Variants in LGR6 observed in about 807,000 individuals in gnomAD.
LGR6 encodes leucine rich repeat containing G protein-coupled receptor 6.
A neutral mutation model predicts 69.4 loss-of-function variants in LGR6; 45 were observed. The ratio of observed to expected loss-of-function variants is 0.65; its 90% CI spans 0.51 to 0.83. The LOEUF (loss-of-function observed/expected upper bound fraction) is 0.83, where lower values mean the gene tolerates loss of function less well. Among genes scored for constraint, LGR6 ranks in the 40% least tolerant of loss-of-function variants. LGR6 has a pLI of 0.00. For missense variants in LGR6, 1,108 were observed against 1,246.7 expected (o/e 0.89, Z 1.68); for synonymous variants, 538 against 555.0 (o/e 0.97, Z 0.43).
At position 202,318,616 on chromosome 1, in the gene LGR6, G is replaced by A; in HGVS notation, c.2313G>A (p.Met771Ile). Residue 771 changes from methionine (M) to isoleucine (I), a missense_variant, in exon 18 of 18, where the codon ATG becomes ATA. Transcript: ENST00000367278. Reference protein sequence around the residue: ...GDFEAVWDCAMVRHVAWLIFA... With the variant: ...GDFEAVWDCAIVRHVAWLIFA... ...TTGAGGCCGTGTGGGACTGCGCCATGGTGAGGCACGTGGCCTGGCTCATCT... is the reference window on the plus strand; with the variant it reads ...TTGAGGCCGTGTGGGACTGCGCCATAGTGAGGCACGTGGCCTGGCTCATCT... 6.2e-7 allele frequency: 1 copy of A among 1,613,950 alleles called. No homozygotes were observed. The highest frequency in any genetic ancestry group is 8.5e-7 in the Non-Finnish European group (1 of 1,180,012).
intron 4 of LGR6, among the ~76,000 whole-genome samples, chr1:202,265,063 C>T (rs1664536206): frequency 6.6e-6 from 1 of 152,198 alleles, no homozygotes; most frequent in African/African-American, 2.4e-5. Context: ...TTTCCTCCAA[C>T]AAGCTTTTCC....
chr1:202,203,820 A>G, intron 1 of LGR6: 1 of 1,613,858 alleles, frequency 6.2e-7, no homozygotes, highest in Non-Finnish European at 8.5e-7. Flanking sequence ...AGGCCAAGGA[A>G]TGGGAAGACC....
At position 202,276,437 on chromosome 1, in the gene LGR6, C is replaced by T; in HGVS notation, c.560C>T (p.Ala187Val). The T allele has an allele frequency of 6.2e-7, 1 of 1,614,222 alleles. No individual in the cohort carries two copies. The highest frequency in any genetic ancestry group is 8.5e-7 in the Non-Finnish European group (1 of 1,180,022). Residue 187 changes from alanine (A) to valine (V), a missense_variant, in exon 5 of 18, where the codon GCC (alanine) becomes GTC (valine). Physicochemically the swap from Ala to Val is moderately conservative, Grantham distance 64. Transcript: ENST00000367278. ...GTCAGGGCCCTCAACAACCTCCCTG[C>T]CCTGCAGGCCATGACCCTGGCCCTC... ...IPVRALNNLP[A>V]LQAMTLALNR... is the part of the protein sequence containing the mutation.
At chr1:202,273,492 T>C (rs1217804196) in intron 4 of LGR6, among the ~76,000 whole-genome samples, 1 of 151,374 alleles carries the variant, frequency 6.6e-6, no homozygotes, top group Non-Finnish European at 1.5e-5. Flanking sequence ...AGTTTCGCTC[T>C]TGTCGCCCAG....
intron 3 of LGR6, among the ~76,000 whole-genome samples, chr1:202,228,962 T>G (rs1660788978): frequency 1.3e-5 from 2 of 152,144 alleles, no homozygotes; most frequent in African/African-American, 4.8e-5. Context: ...GGTTGTTCAT[T>G]GCACCAGAGC....
At chr1:202,300,397 T>C (rs1667495146) in intron 7 of LGR6, among the ~76,000 whole-genome samples, 1 of 152,178 alleles carries the variant, frequency 6.6e-6, no homozygotes, top group Non-Finnish European at 1.5e-5. Context: ...CTCACACCTG[T>C]AATCCCAACA....
At chr1:202,249,479 A>C (rs889718627) in intron 4 of LGR6, among the ~76,000 whole-genome samples, 6 of 152,134 alleles carry the variant, frequency 3.9e-5, no homozygotes, top group African/African-American at 1.4e-4. Flanking sequence ...CTACCTGTGT[A>C]CTGATGGTTC....
At position 202,225,579 on chromosome 1, in the gene LGR6, G is replaced by GAGAGA. The variant is rs1660483227; in HGVS notation, c.284+92_284+96dup. 1.0e-5 allele frequency: 13 copies of GAGAGA among 1,238,264 alleles called. No homozygotes were observed. In the East Asian group the frequency reaches 3.1e-4, roughly 29 times the overall value. The allele number at this position is 1,238,264 out of a possible 1,614,324, so 76.7% of individuals were successfully genotyped here. A position where few individuals can be genotyped will look rare whatever the true frequency, so the allele number is the denominator to read the frequency against. On this transcript the variant is annotated intron_variant, in intron 2 of 17. Coordinates refer to ENST00000367278, the MANE Select transcript of LGR6 (RefSeq NM_001017403.2). ...CCAGAGCTCCCCAGGAGGTGGGGTG[G>GAGAGA]AGAGAAGAGAAAGGGGCTTGGGAAG...
At chr1:202,198,431 T>C (rs770586904) in intron 1 of LGR6, among the ~76,000 whole-genome samples, 1 of 152,202 alleles carries the variant, frequency 6.6e-6, no homozygotes, top group African/African-American at 2.4e-5. Flanking sequence ...GTCTGGTCCA[T>C]GGGAAGAGCT....
At chr1:202,271,400 C>T (rs142819074) in intron 4 of LGR6, among the ~76,000 whole-genome samples, 13 of 152,168 alleles carry the variant, frequency 8.5e-5, no homozygotes, top group South Asian at 2.1e-4. Context: ...CTTATCCTAC[C>T]GGGAGCTGGG....
At chr1:202,275,125 C>T (rs1189799454) in intron 4 of LGR6, among the ~76,000 whole-genome samples, 2 of 152,218 alleles carry the variant, frequency 1.3e-5, no homozygotes, top group African/African-American at 4.8e-5. Flanking sequence ...CTGATCATAT[C>T]ACTTCTCCTT....
chr1:202,283,464 C>T (rs929978704), intron 6 of LGR6, among the ~76,000 whole-genome samples: 1 of 152,192 alleles, frequency 6.6e-6, no homozygotes, highest in Non-Finnish European at 1.5e-5. Context: ...GTGAGCTTCT[C>T]ACTGGAAGGG....
intron 4 of LGR6, among the ~76,000 whole-genome samples, chr1:202,260,230 G>C (rs374928499): frequency 4.9e-4 from 75 of 151,970 alleles, no homozygotes; most frequent in African/African-American, 1.8e-3. Context: ...GTAGAGATGG[G>C]GTTTTGTCAT....
chr1:202,206,019 C>A (rs1170698030), intron 1 of LGR6, among the ~76,000 whole-genome samples: 1 of 127,066 alleles, frequency 7.9e-6, no homozygotes, highest in Non-Finnish European at 1.8e-5. Flanking sequence ...CTGCAGGGGG[C>A]GCTCAGGACA....
At chr1:202,315,960 C>T (rs895865412) in intron 17 of LGR6, among the ~76,000 whole-genome samples, 4 of 152,168 alleles carry the variant, frequency 2.6e-5, no homozygotes, top group Non-Finnish European at 4.4e-5. Context: ...AAGTCCAACT[C>T]GAGCTTGCTT....
chr1:202,311,728 A>G (rs1373406530), intron 16 of LGR6, among the ~76,000 whole-genome samples: 1 of 152,236 alleles, frequency 6.6e-6, no homozygotes, highest in Non-Finnish European at 1.5e-5. Context: ...GTTGGGGAAG[A>G]CTAAAAGATT....
chr1:202,290,791 G>A (rs1378567720), intron 6 of LGR6, among the ~76,000 whole-genome samples: 3 of 152,214 alleles, frequency 2.0e-5, no homozygotes, highest in Non-Finnish European at 4.4e-5. Flanking sequence ...TTGAACCCAG[G>A]AGGTGGAGGT....
intron 10 of LGR6, among the ~76,000 whole-genome samples, chr1:202,304,154 G>A (rs959567244): frequency 6.6e-6 from 1 of 152,130 alleles, no homozygotes; most frequent in Admixed American, 6.5e-5. Context: ...GTCCCACTAC[G>A]GTGTTTTTCT....
Position 202,283,556 on chromosome 1 carries a change from G to A in LGR6, c.716+2704G>A, listed in dbSNP as rs144625970. 3.0e-3 allele frequency among the ~76,000 whole-genome samples: 459 copies of A among 152,270 alleles called. 2 individuals carry two copies. The highest frequency in any genetic ancestry group is 0.011 in the African/African-American group (446 of 41,564). ...AGCAGAGGGAAGATCAAACCCCTGC[G>A]GCCCAAGCTGCGGTTTGGCTGGAGC... On this transcript the variant is annotated intron_variant, in intron 6 of 17. Transcript: ENST00000367278.
Sources: allele counts gnomAD v4.1 joint callset (sites outside exome capture counted in the v4.1 genomes callset), GRCh38; gene constraint gnomAD v4.1.1; transcripts MANE v1.5; gene names NCBI Gene and HGNC (gene_info 2026-07-23, HGNC 2026-07-21).